The following CYSTM1 variants were observed in gnomAD, a reference collection of about 807,000 sequenced individuals.
CYSTM1 encodes the protein cysteine-rich transmembrane module-containing protein 1.
Under a neutral mutation model 13.1 loss-of-function variants are expected in CYSTM1, and 4 were observed. The observed-to-expected ratio is 0.31, with a 90% CI of 0.15 to 0.70. The LOEUF (loss-of-function observed/expected upper bound fraction) is 0.70. CYSTM1 is among the 30% of genes least tolerant of loss of function. The pLI is 0.72. For missense variants in CYSTM1, 96 were observed against 121.6 expected (o/e 0.79, Z 0.99); for synonymous variants, 36 against 42.7 (o/e 0.84, Z 0.62).
chr5:140,188,368 A>G (rs917855307), intron 1 of CYSTM1, among the ~76,000 whole-genome samples: 2 of 152,206 alleles, frequency 1.3e-5, no homozygotes, highest in African/African-American at 4.8e-5. Context: ...CATTATAAGC[A>G]TGAGCCCTGA....
At chr5:140,193,238 C>G (rs979712826) in intron 1 of CYSTM1, among the ~76,000 whole-genome samples, 2 of 152,002 alleles carry the variant, frequency 1.3e-5, no homozygotes, top group Admixed American at 6.6e-5. Context: ...AGTGAGTCAT[C>G]CTTAGAGTTT....
intron 1 of CYSTM1, among the ~76,000 whole-genome samples, chr5:140,187,048 C>T (rs1474386385): frequency 6.6e-6 from 1 of 152,130 alleles, no homozygotes; most frequent in Non-Finnish European, 1.5e-5. Flanking sequence ...ATCGCTTGAA[C>T]CCGGAAGGCA....
chr5:140,227,153 C>T (rs191060972), intron 2 of CYSTM1, among the ~76,000 whole-genome samples: 6 of 152,304 alleles, frequency 3.9e-5, no homozygotes, highest in East Asian at 3.9e-4. Flanking sequence ...CCCTTGATGC[C>T]GTCTTCCCCA....
chr5:140,188,070 CTTTTTTTTTTTTT>C (rs71276334), intron 1 of CYSTM1, among the ~76,000 whole-genome samples: 1 of 133,526 alleles, frequency 7.5e-6, no homozygotes, highest in African/African-American at 2.8e-5. Flanking sequence ...TTAATTTTAA[CTTTTTTTTTTTTT>C]TTTTTAGAGA....
At chr5:140,240,225 G>T (rs1451218998) in intron 2 of CYSTM1, among the ~76,000 whole-genome samples, 1 of 152,040 alleles carries the variant, frequency 6.6e-6, no homozygotes, top group Non-Finnish European at 1.5e-5. Context: ...TTTTAAAAAG[G>T]TTTATATTTT....
chr5:140,215,517 T>C (rs1268700615), intron 2 of CYSTM1, among the ~76,000 whole-genome samples: 3 of 103,600 alleles, frequency 2.9e-5, no homozygotes, highest in Non-Finnish European at 6.6e-5. Context: ...CAGAGAAACC[T>C]GGCCACTTTT....
chr5:140,194,462 C>T lies in CYSTM1; in HGVS notation c.-4C>T, dbSNP rs1487646482. On this transcript the variant is annotated 5_prime_UTR_variant, in exon 2 of 3. Coordinates refer to ENST00000261811, the MANE Select transcript of CYSTM1 (RefSeq NM_032412.4). ...GTCTCTTAGGTGCACTTTACAGGTC[C>T]CCGATGAACCAAGAGAACCCTCCAC... 1.9e-6 allele frequency: 3 copies of T among 1,575,886 alleles called. No homozygotes were observed. Among genetic ancestry groups the T allele is most frequent in the African/African-American group, 1.4e-5 (1 of 72,446 alleles).
intron 2 of CYSTM1, among the ~76,000 whole-genome samples, chr5:140,211,044 G>A (rs1339234277): frequency 2.0e-5 from 3 of 152,186 alleles, no homozygotes; most frequent in Non-Finnish European, 4.4e-5. Context: ...ACAATTTCTA[G>A]ATTAAAACCA....
intron 2 of CYSTM1, among the ~76,000 whole-genome samples, chr5:140,234,365 A>G (rs1028210298): frequency 1.3e-4 from 20 of 152,254 alleles, no homozygotes; most frequent in African/African-American, 4.8e-4. Context: ...CTTTATGTTA[A>G]ATCTTCATTT....
intron 2 of CYSTM1, among the ~76,000 whole-genome samples, chr5:140,196,058 T>G (rs867151565): frequency 6.6e-6 from 1 of 151,728 alleles, no homozygotes; most frequent in Admixed American, 6.6e-5. Context: ...AAAAAAGTGC[T>G]TATTGTGTGT....
intron 2 of CYSTM1, among the ~76,000 whole-genome samples, chr5:140,220,203 A>C (rs750573791): frequency 6.6e-6 from 1 of 152,148 alleles, no homozygotes; most frequent in Non-Finnish European, 1.5e-5. Flanking sequence ...CAGGGTATGA[A>C]ATAACAGTTC....
intron 2 of CYSTM1, among the ~76,000 whole-genome samples, chr5:140,242,484 CAG>C (rs1372228399): frequency 6.6e-6 from 1 of 152,188 alleles, no homozygotes; most frequent in Non-Finnish European, 1.5e-5. Context: ...AGTTTGATGA[CAG>C]TGGTTGTTTT....
chr5:140,224,354 G>C (rs948128124), intron 2 of CYSTM1, among the ~76,000 whole-genome samples: 1 of 151,896 alleles, frequency 6.6e-6, no homozygotes, highest in Non-Finnish European at 1.5e-5. Context: ...GGTCAGGCTG[G>C]TCTCGAACTC....
At chr5:140,221,321 T>C (rs1245808940) in intron 2 of CYSTM1, among the ~76,000 whole-genome samples, 1 of 152,224 alleles carries the variant, frequency 6.6e-6, no homozygotes, top group East Asian at 1.9e-4. Flanking sequence ...TCTCCAAAAC[T>C]CTTTTCATCT....
intron 1 of CYSTM1, among the ~76,000 whole-genome samples, chr5:140,187,302 TAAA>T (rs75475608): frequency 4.3e-5 from 6 of 140,934 alleles, no homozygotes; most frequent in Non-Finnish European, 4.7e-5. Context: ...AATGGGGAGT[TAAA>T]AAAAAAAAAA....
rs576317751 is a variant in CYSTM1, at chr5:140,189,055, T to C, written c.-20-5391T>C. 4.6e-5 allele frequency among the ~76,000 whole-genome samples: 7 copies of C among 152,346 alleles called. No individual in the cohort carries two copies. In the South Asian group the frequency reaches 1.4e-3, roughly 32 times the overall value. On this transcript the variant is annotated intron_variant, in intron 1 of 2. Coordinates refer to ENST00000261811, the MANE Select transcript of CYSTM1 (RefSeq NM_032412.4). ...ATTCATAAATTTGTTTTGGTATCTT[T>C]CTTTTCAGTATCCACAGATTTGTTT... is the stretch of plus-strand genomic sequence containing the variant.
intron 1 of CYSTM1, among the ~76,000 whole-genome samples, chr5:140,178,867 G>T (rs1763924871): frequency 6.6e-6 from 1 of 152,022 alleles, no homozygotes; most frequent in Admixed American, 6.6e-5. Context: ...CTCCCAAAGT[G>T]CTGGGATTAC....
At chr5:140,220,178 A>G (rs1460922243) in intron 2 of CYSTM1, among the ~76,000 whole-genome samples, 1 of 152,158 alleles carries the variant, frequency 6.6e-6, no homozygotes, top group Non-Finnish European at 1.5e-5. Flanking sequence ...TTCAAGCATC[A>G]TTCTTGCTGC....
rs1244082049 is a variant in CYSTM1, at chr5:140,239,255, A to C, written c.188-4050A>C. On this transcript the variant is annotated intron_variant, in intron 2 of 2. Transcript: ENST00000261811. The surrounding 1 kb of genome is among the most constrained non-coding windows in gnomAD (Gnocchi z 5.4). ...TGAGAATTGGAGCCTTCACCTGAGA[A>C]GGCCTATACTCACACTTCCTGCAGG... 2.0e-5 allele frequency among the ~76,000 whole-genome samples: 3 copies of C among 152,112 alleles called. No individual in the cohort carries two copies. The highest frequency in any genetic ancestry group is 2.9e-5 in the Non-Finnish European group (2 of 68,004).
Sources: gnomAD v4.1 joint callset for allele counts (sites outside exome capture counted in the v4.1 genomes callset) on GRCh38, gnomAD v4.1.1 for gene constraint, Gnocchi (gnomAD v3.1) non-coding constraint, MANE v1.5 for transcripts, NCBI Gene and HGNC (gene_info 2026-07-23, HGNC 2026-07-21) for gene names.